The following TENM3 variants were observed in gnomAD, a reference collection of about 807,000 sequenced individuals.
The protein encoded by TENM3 is teneurin transmembrane protein 3.
A neutral mutation model predicts 255.1 loss-of-function variants in TENM3; 63 were observed. That is an observed-to-expected ratio of 0.25 (90% CI 0.20 to 0.30). TENM3 has a LOEUF of 0.30. Ranked by LOEUF, TENM3 falls within the 10% of genes least tolerant of loss-of-function variation. The pLI is 1.00. For synonymous variants in TENM3, 1,306 were observed against 1,322.3 expected (o/e 0.99, Z 0.27); for missense variants, 2,929 against 3,461.1 (o/e 0.85, Z 3.86).
chr4:182,123,241 ACTTTTTTAT>A, the TENM3 span, among the ~76,000 whole-genome samples: 1 of 152,118 alleles, frequency 6.6e-6, no homozygotes, highest in Non-Finnish European at 1.5e-5. Context: ...AAGCTGTTTC[ACTTTTTTAT>A]CATTCATGAG....
chr4:181,746,089 G>T, the TENM3 span, among the ~76,000 whole-genome samples: 1 of 152,102 alleles, frequency 6.6e-6, no homozygotes, highest in African/African-American at 2.4e-5. Context: ...GAGGAATGGT[G>T]TTAGGATCAA....
At chr4:181,605,542 GAAAGAAAGAAAGAAAGAA>G in the TENM3 span, among the ~76,000 whole-genome samples, 13 of 25,782 alleles carry the variant, frequency 5.0e-4, no homozygotes, top group African/African-American at 1.0e-3. Context: ...AAGAAAGAAA[GAAAGAAAGAAAGAAAGAA>G]AGAAAGAAAG....
At chr4:182,623,515 T>C (rs1750499821) in intron 4 of TENM3, among the ~76,000 whole-genome samples, 1 of 151,506 alleles carries the variant, frequency 6.6e-6, no homozygotes, top group South Asian at 2.1e-4. Flanking sequence ...TTGTTTTTAC[T>C]GGAGACAGGG....
At chr4:182,530,607 G>C (rs1247486230) in intron 3 of TENM3, among the ~76,000 whole-genome samples, 1 of 152,088 alleles carries the variant, frequency 6.6e-6, no homozygotes, top group African/African-American at 2.4e-5. Flanking sequence ...CTACCTACTA[G>C]ATGCTGGTAG....
chr4:181,904,416 A>G, the TENM3 span, among the ~76,000 whole-genome samples: 122 of 152,332 alleles, frequency 8.0e-4, no homozygotes, highest in African/African-American at 2.7e-3. Context: ...TTTGATCATT[A>G]TCCACTGTAT....
the TENM3 span, among the ~76,000 whole-genome samples, chr4:181,605,584 G>GATAGAAAGAAAAA: frequency 2.9e-5 from 2 of 69,142 alleles, 1 homozygote; most frequent in Non-Finnish European, 6.0e-5. Flanking sequence ...GAGAAAGAAA[G>GATAGAAAGAAAAA]GAAAGAAAGA....
the TENM3 span, among the ~76,000 whole-genome samples, chr4:181,770,527 T>G: frequency 6.6e-6 from 1 of 151,916 alleles, no homozygotes; most frequent in South Asian, 2.1e-4. Context: ...GCAAATAAAT[T>G]AGATGGGCGT....
At chr4:182,602,381 G>C (rs1355962755) in intron 4 of TENM3, among the ~76,000 whole-genome samples, 1 of 152,184 alleles carries the variant, frequency 6.6e-6, no homozygotes, top group Non-Finnish European at 1.5e-5. Context: ...ATTTAAATTA[G>C]CTTCTGGGTG....
At chr4:181,737,340 C>T in the TENM3 span, among the ~76,000 whole-genome samples, 11 of 152,148 alleles carry the variant, frequency 7.2e-5, no homozygotes, top group Non-Finnish European at 1.6e-4. Flanking sequence ...TATGAAGCTA[C>T]ACATTTAAGC....
the TENM3 span, among the ~76,000 whole-genome samples, chr4:181,890,991 C>A: frequency 6.6e-6 from 1 of 152,166 alleles, no homozygotes; most frequent in Admixed American, 6.6e-5. Flanking sequence ...ATAGTATTGA[C>A]TACAATCTAA....
At chr4:182,141,987 T>C (rs1486256964), upstream of TENM3, 1 of 152,150 alleles carries the variant, frequency 6.6e-6, no homozygotes, top group South Asian at 2.1e-4. Context: ...CCTAATACTT[T>C]TGTGTGTGTG....
chr4:181,888,404 T>C, the TENM3 span, among the ~76,000 whole-genome samples: 2 of 149,780 alleles, frequency 1.3e-5, no homozygotes, highest in Non-Finnish European at 3.0e-5. Flanking sequence ...AACGTTTAGA[T>C]AGCCTGTGAA....
the TENM3 span, among the ~76,000 whole-genome samples, chr4:181,965,554 T>G: frequency 6.6e-6 from 1 of 152,228 alleles, no homozygotes. Flanking sequence ...TTTGCTTGTT[T>G]TAATAAGACC....
the TENM3 span, among the ~76,000 whole-genome samples, chr4:181,540,779 A>AG: frequency 6.6e-6 from 1 of 152,112 alleles, no homozygotes; most frequent in Non-Finnish European, 1.5e-5. Flanking sequence ...AGAGAAGCTC[A>AG]GGGGACGTGA....
intron 3 of TENM3, among the ~76,000 whole-genome samples, chr4:182,538,529 G>C (rs1251388199): frequency 6.6e-6 from 1 of 152,182 alleles, no homozygotes; most frequent in African/African-American, 2.4e-5. Flanking sequence ...ATTGTTGCTG[G>C]AACACAGAGC....
the TENM3 span, among the ~76,000 whole-genome samples, chr4:181,700,146 T>C: frequency 6.6e-6 from 1 of 152,076 alleles, no homozygotes; most frequent in Non-Finnish European, 1.5e-5. Context: ...AGATTGCAAG[T>C]GGGAAAATAA....
intron 1 of TENM3, among the ~76,000 whole-genome samples, chr4:182,231,290 A>G (rs1358040286): frequency 6.6e-6 from 1 of 152,074 alleles, no homozygotes; most frequent in Non-Finnish European, 1.5e-5. Context: ...TACCAGACCA[A>G]AAAGTACTGG....
At chr4:182,635,601 T>C (rs1167511611) in intron 5 of TENM3, among the ~76,000 whole-genome samples, 1 of 152,240 alleles carries the variant, frequency 6.6e-6, no homozygotes, top group Non-Finnish European at 1.5e-5. Flanking sequence ...ACCGGAGAAC[T>C]ACTCAAATTT....
chr4:182,175,527 A>G (rs1167659472), intron 1 of TENM3, among the ~76,000 whole-genome samples: 1 of 152,078 alleles, frequency 6.6e-6, no homozygotes, highest in Non-Finnish European at 1.5e-5. Flanking sequence ...GGCCTACTTA[A>G]AACATCTGAA....
Sources: allele counts gnomAD v4.1 joint callset (sites outside exome capture counted in the v4.1 genomes callset), GRCh38; gene constraint gnomAD v4.1.1; transcripts MANE v1.5; gene names NCBI Gene and HGNC (gene_info 2026-07-23, HGNC 2026-07-21).